KCNMA1: variants seen among roughly 807,000 people sequenced by gnomAD.
The protein encoded by KCNMA1 is potassium calcium-activated channel subfamily M alpha 1, also known as Calcium-activated potassium channel subunit alpha-1.
A neutral mutation model predicts 140.0 loss-of-function variants in KCNMA1; 29 were observed. That is an observed-to-expected ratio of 0.21 (90% CI 0.15 to 0.28). The LOEUF is 0.28. Ranked by LOEUF, KCNMA1 falls within the 10% of genes least tolerant of loss-of-function variation. KCNMA1 has a pLI of 1.00. For missense variants in KCNMA1, 880 were observed against 1,602.2 expected (o/e 0.55, Z 7.70); for synonymous variants, 612 against 611.9 (o/e 1.00, Z 0.00).
chr10:77,025,998 A>AAAAAT (rs370771543), intron 16 of KCNMA1, among the ~76,000 whole-genome samples: 11 of 139,932 alleles, frequency 7.9e-5, no homozygotes, highest in African/African-American at 2.6e-4. Context: ...AGAAAAAAAA[A>AAAAAT]ATATATATAT....
chr10:76,942,526 A>G (rs1199843093), intron 23 of KCNMA1, among the ~76,000 whole-genome samples: 2 of 151,944 alleles, frequency 1.3e-5, no homozygotes, highest in South Asian at 2.1e-4. Flanking sequence ...GTCAAAACCT[A>G]TTTTTCTTGC....
intron 2 of KCNMA1, among the ~76,000 whole-genome samples, chr10:77,342,412 G>A (rs905149507): frequency 6.6e-6 from 1 of 152,182 alleles, no homozygotes; most frequent in African/African-American, 2.4e-5. Context: ...GGGAAATTCA[G>A]TCATTTGCCC....
chr10:76,946,806 C>T (rs906003708), intron 22 of KCNMA1, among the ~76,000 whole-genome samples: 8 of 152,146 alleles, frequency 5.3e-5, no homozygotes, highest in Non-Finnish European at 8.8e-5. Flanking sequence ...GTTGTACACA[C>T]GTGATTTCAA....
At chr10:77,529,348 A>G (rs565559962) in intron 1 of KCNMA1, among the ~76,000 whole-genome samples, 96 of 151,488 alleles carry the variant, frequency 6.3e-4, no homozygotes, top group African/African-American at 2.2e-3. Flanking sequence ...CTCCCACCTC[A>G]GCCAGCCTAG....
In KCNMA1 at chr10:76,884,998, T is replaced by C. The variant is rs2036220316; in HGVS notation, c.*2268A>G. 7.1e-6 allele frequency: 11 copies of C among 1,548,674 alleles called. No individual in the cohort carries two copies. The highest frequency in any genetic ancestry group is 9.6e-6 in the Non-Finnish European group (11 of 1,146,054). On this transcript the variant is annotated 3_prime_UTR_variant, in exon 28 of 28. Coordinates refer to ENST00000286628, the MANE Select transcript of KCNMA1 (RefSeq NM_001161352.2). ...CCATTAATTGTCATACCTTGGCCCATTCTATTCATCCTTGTTGCACTTTAG... is the reference window on the plus strand; with the variant it reads ...CCATTAATTGTCATACCTTGGCCCACTCTATTCATCCTTGTTGCACTTTAG...
chr10:77,234,387 T>A (rs1358829817), intron 3 of KCNMA1, among the ~76,000 whole-genome samples: 1 of 152,220 alleles, frequency 6.6e-6, no homozygotes, highest in African/African-American at 2.4e-5. Context: ...TATTTACTTG[T>A]CAACTTGTTT....
chr10:77,577,494 G>A (rs1050891715), intron 1 of KCNMA1, among the ~76,000 whole-genome samples: 3 of 152,018 alleles, frequency 2.0e-5, no homozygotes, highest in Non-Finnish European at 4.4e-5. Context: ...AGATGGTCCC[G>A]TCCTCAGGCC....
chr10:76,985,203 G>A (rs967445371), intron 19 of KCNMA1, among the ~76,000 whole-genome samples: 1 of 152,188 alleles, frequency 6.6e-6, no homozygotes, highest in Non-Finnish European at 1.5e-5. Context: ...AACCTAGAAT[G>A]TTAATTGTTG....
intron 3 of KCNMA1, among the ~76,000 whole-genome samples, chr10:77,212,338 A>T (rs1194430922): frequency 6.6e-6 from 1 of 152,236 alleles, no homozygotes; most frequent in Admixed American, 6.5e-5. Flanking sequence ...TAAGCAAATT[A>T]ACACAAAAAC....
chr10:77,573,756 A>C (rs1438608439), intron 1 of KCNMA1, among the ~76,000 whole-genome samples: 1 of 151,866 alleles, frequency 6.6e-6, no homozygotes, highest in African/African-American at 2.4e-5. Flanking sequence ...CAGGGACAGA[A>C]GCTTCTGTAC....
chr10:77,474,561 C>T (rs1386270587), intron 1 of KCNMA1, among the ~76,000 whole-genome samples: 1 of 152,180 alleles, frequency 6.6e-6, no homozygotes, highest in South Asian at 2.1e-4. Context: ...GCCACCCAGG[C>T]GATGGTCCTT....
At chr10:77,478,896 T>C (rs1457044235) in intron 1 of KCNMA1, among the ~76,000 whole-genome samples, 3 of 152,186 alleles carry the variant, frequency 2.0e-5, no homozygotes. Flanking sequence ...AATATGTTTA[T>C]AGAGTCCCAG....
chr10:77,146,660 C>T (rs1305532758), intron 5 of KCNMA1, among the ~76,000 whole-genome samples: 1 of 124,774 alleles, frequency 8.0e-6, no homozygotes, highest in African/African-American at 3.1e-5. Flanking sequence ...GGAGATGGTG[C>T]CACTACACTC....
At chr10:77,317,364 T>C (rs2081156456) in intron 2 of KCNMA1, among the ~76,000 whole-genome samples, 1 of 152,202 alleles carries the variant, frequency 6.6e-6, no homozygotes, top group African/African-American at 2.4e-5. Context: ...GCTCCACTCA[T>C]GCCTCTCATT....
chr10:77,330,634 T>C (rs2154364977), intron 2 of KCNMA1, among the ~76,000 whole-genome samples: 1 of 152,286 alleles, frequency 6.6e-6, no homozygotes, highest in East Asian at 1.9e-4. Context: ...CTCCCGATTA[T>C]ACAGAAAGGT....
chr10:77,511,283 A>C (rs1344420463), intron 1 of KCNMA1, among the ~76,000 whole-genome samples: 1 of 152,148 alleles, frequency 6.6e-6, no homozygotes, highest in Non-Finnish European at 1.5e-5. Flanking sequence ...GCAGACAGTC[A>C]AAAACCCCTC....
intron 23 of KCNMA1, among the ~76,000 whole-genome samples, chr10:76,931,916 G>A (rs1455785492): frequency 1.3e-5 from 2 of 152,128 alleles, no homozygotes; most frequent in African/African-American, 4.8e-5. Flanking sequence ...AGTAATTCTG[G>A]CTGCTAGGTA....
At chr10:77,058,150 A>G (rs1036565945) in intron 14 of KCNMA1, among the ~76,000 whole-genome samples, 24 of 152,096 alleles carry the variant, frequency 1.6e-4, no homozygotes. Flanking sequence ...AGTAGACTTC[A>G]GAACAAAGAA....
chr10:77,164,215 G>C (rs1027915608), intron 5 of KCNMA1, among the ~76,000 whole-genome samples: 1 of 152,160 alleles, frequency 6.6e-6, no homozygotes, highest in African/African-American at 2.4e-5. Context: ...CCAAGGCAAG[G>C]CGGCCAGCCC....
Sources: gnomAD v4.1 joint callset for allele counts (sites outside exome capture counted in the v4.1 genomes callset) on GRCh38, gnomAD v4.1.1 for gene constraint, MANE v1.5 for transcripts, NCBI Gene and HGNC (gene_info 2026-07-23, HGNC 2026-07-21) for gene names.